The following SOBP variants were observed in gnomAD, a reference collection of about 807,000 sequenced individuals.
SOBP encodes the protein sine oculis-binding protein homolog.
Under a neutral mutation model 53.6 loss-of-function variants are expected in SOBP, and 4 were observed. The observed-to-expected ratio is 0.07, with a 90% confidence interval of 0.04 to 0.17. SOBP has a LOEUF of 0.17. SOBP is among the 10% of genes least tolerant of loss of function. The pLI, the probability that SOBP is intolerant of heterozygous loss-of-function variation, is 1.00. For synonymous variants in SOBP, 584 were observed against 522.6 expected, an observed-to-expected ratio of 1.12 and a Z score of -1.60; for missense variants, 1,088 against 1,204.7, an observed-to-expected ratio of 0.90 and a Z score of 1.43.
intron 6 of SOBP, among the ~76,000 whole-genome samples, chr6:107,636,734 C>CAGGAGGA (rs1771062541): frequency 1.3e-5 from 2 of 152,158 alleles, no homozygotes; most frequent in South Asian, 4.2e-4. Flanking sequence ...GTGCAAACTC[C>CAGGAGGA]AGGAGGAAGG....
intron 2 of SOBP, 28 bp downstream of exon 2, chr6:107,503,823 A>G (rs1426900472): frequency 3.1e-6 from 5 of 1,612,642 alleles, no homozygotes; most frequent in Admixed American, 1.7e-5. Context: ...CCTTTTGTTC[A>G]TGCAAAGAAG....
intron 1 of SOBP, among the ~76,000 whole-genome samples, chr6:107,497,329 G>A (rs934677702): frequency 1.3e-5 from 2 of 152,136 alleles, no homozygotes; most frequent in African/African-American, 4.8e-5. Context: ...GTGTCAGAAT[G>A]TTTTGAAGTT....
At position 107,635,548 on chromosome 6, in the gene SOBP, G is replaced by A; in HGVS notation, c.*3+79G>A. ...TTCTGACAAGGCAGAGGGGAGAGTT[G>A]TAATTATAGTCATGATTTTACCGTG... On this transcript the variant is annotated intron_variant, in intron 6 of 6. Coordinates refer to ENST00000317357, the MANE Select transcript of SOBP (RefSeq NM_018013.4). The surrounding 1 kb of genome is among the most constrained non-coding windows in gnomAD (Gnocchi z 4.5). The A allele has an allele frequency of 6.4e-7, 1 of 1,569,292 alleles. No homozygotes were observed. The highest frequency in any genetic ancestry group is 1.3e-5 in the African/African-American group (1 of 74,292).
intron 2 of SOBP, 104 bp downstream of exon 2, chr6:107,503,899 A>G: frequency 7.4e-7 from 1 of 1,359,822 alleles, no homozygotes; most frequent in Non-Finnish European, 1.0e-6. Context: ...TTTGTTGATT[A>G]TGCCAATGGT....
rs1430249830 is a variant in SOBP, at chr6:107,659,046, G to A, written c.*843G>A. On this transcript the variant is annotated 3_prime_UTR_variant, in exon 7 of 7. Transcript: ENST00000317357. Reference sequence around the variant, plus strand: ...CATTTGGGAACAGAGCAAGAGTGTTGAACTGAAGACCAAAATGCCCTCAAG... The same window carrying A: ...CATTTGGGAACAGAGCAAGAGTGTTAAACTGAAGACCAAAATGCCCTCAAG... 6.6e-6 allele frequency: 1 copy of A among 152,582 alleles called. No individual in the cohort carries two copies. Among genetic ancestry groups the A allele is most frequent in the African/African-American group, 2.4e-5 (1 of 41,434 alleles). The allele number at this position is 152,582 out of a possible 1,614,324, so 9.5% of individuals were successfully genotyped here. A position where few individuals can be genotyped will look rare whatever the true frequency, so the allele number is the denominator to read the frequency against.
At chr6:107,606,621 T>G (rs1786393287) in intron 5 of SOBP, among the ~76,000 whole-genome samples, 1 of 152,138 alleles carries the variant, frequency 6.6e-6, no homozygotes, top group Non-Finnish European at 1.5e-5. Flanking sequence ...TGCCTTTGTG[T>G]GCTTGGAATT....
At chr6:107,607,153 T>C (rs1786415762) in intron 5 of SOBP, among the ~76,000 whole-genome samples, 1 of 152,230 alleles carries the variant, frequency 6.6e-6, no homozygotes, top group African/African-American at 2.4e-5. Flanking sequence ...TTCCGCCTGT[T>C]GTCACACTAT....
chr6:107,575,592 A>G (rs1185738240), intron 4 of SOBP, among the ~76,000 whole-genome samples: 1 of 152,144 alleles, frequency 6.6e-6, no homozygotes. Flanking sequence ...GGGGCTGCTC[A>G]CTGTGCAAGG....
At chr6:107,655,097 CACAGATGAAGACATTTAGACATGGAGG>C (rs1166127368) in intron 6 of SOBP, among the ~76,000 whole-genome samples, 2 of 151,774 alleles carry the variant, frequency 1.3e-5, no homozygotes, top group Non-Finnish European at 2.9e-5. Flanking sequence ...TTCCCCTTTG[CACAGATGAAGACATTTAGACATGGAGG>C]ACAGTTTTTT....
At chr6:107,656,350 AAAGAAAGAAAGAAAGAAAGT>A (rs762195066) in intron 6 of SOBP, among the ~76,000 whole-genome samples, 15,596 of 64,168 alleles carry the variant, frequency 0.24, 1,148 homozygotes, top group Middle Eastern at 0.39. Flanking sequence ...AAAGAGAAAG[AAAGAAAGAAAGAAAGAAAGT>A]AAGTCAAATG....
intron 3 of SOBP, among the ~76,000 whole-genome samples, chr6:107,531,644 A>G (rs1783827493): frequency 6.6e-6 from 1 of 152,082 alleles, no homozygotes; most frequent in Non-Finnish European, 1.5e-5. Flanking sequence ...TTTGTTAAGG[A>G]TATTCCTGAA....
intron 3 of SOBP, among the ~76,000 whole-genome samples, chr6:107,521,907 AAAACAC>A (rs1291608427): frequency 7.0e-4 from 78 of 110,922 alleles, no homozygotes; most frequent in Admixed American, 1.1e-3. Context: ...GACAGACATT[AAAACAC>A]ACACACACAC....
chr6:107,545,672 A>G (rs1784280723), intron 4 of SOBP, among the ~76,000 whole-genome samples: 1 of 152,082 alleles, frequency 6.6e-6, no homozygotes, highest in African/African-American at 2.4e-5. Context: ...CAGATGCCAG[A>G]TGGGAGAGAT....
At chr6:107,510,371 T>G (rs971294754) in intron 3 of SOBP, among the ~76,000 whole-genome samples, 7 of 152,184 alleles carry the variant, frequency 4.6e-5, no homozygotes, top group African/African-American at 1.7e-4. Context: ...AGGTGCAGTA[T>G]GTATTTCAAG....
chr6:107,558,288 A>G (rs1258949119), intron 4 of SOBP: 1 of 151,058 alleles, frequency 6.6e-6, no homozygotes, highest in East Asian at 1.9e-4. Context: ...TCCCCCCCCG[A>G]GACAGAGTCT....
intron 5 of SOBP, among the ~76,000 whole-genome samples, chr6:107,608,862 T>C (rs574231595): frequency 1.3e-5 from 2 of 152,302 alleles, no homozygotes; most frequent in Non-Finnish European, 2.9e-5. Flanking sequence ...TCACATCCTG[T>C]TGGGGAGAGG....
At chr6:107,611,289 G>C (rs1214892801) in intron 5 of SOBP, among the ~76,000 whole-genome samples, 1 of 152,210 alleles carries the variant, frequency 6.6e-6, no homozygotes, top group African/African-American at 2.4e-5. Flanking sequence ...GAAAGAGGGG[G>C]CCCCGGTGGA....
Position 107,634,408 on chromosome 6 carries a change from A to G in SOBP, c.1564A>G (p.Thr522Ala), listed in dbSNP as rs1770883984. 1 of 1,602,260 alleles carries G rather than the reference A, an allele frequency of 6.2e-7. No individual in the cohort carries two copies. The highest frequency in any genetic ancestry group is 1.7e-5 in the Admixed American group (1 of 59,866). The change falls in exon 6 of 7, where the codon ACC (threonine) becomes GCC (alanine). Residue 522 changes from threonine to alanine, a missense_variant. By Grantham distance (58) the Thr-to-Ala change is moderately conservative (BLOSUM62 0). Coordinates refer to ENST00000317357, the MANE Select transcript of SOBP (RefSeq NM_018013.4). This position sits in a 1 kb window ranked among gnomAD's most constrained non-coding sequence, Gnocchi z 4.5. Reference sequence around the variant, plus strand: ...GCTTGCCCCGCTGGTGCCGCCCCCGACCCTGCTCGTGCCGTACCCCGTGAT... The same window carrying G: ...GCTTGCCCCGCTGGTGCCGCCCCCGGCCCTGCTCGTGCCGTACCCCGTGAT... ...PSLAPLVPPP[T>A]LLVPYPVIVP...
chr6:107,515,966 T>G (rs1783307383), intron 3 of SOBP, among the ~76,000 whole-genome samples: 1 of 152,056 alleles, frequency 6.6e-6, no homozygotes, highest in South Asian at 2.1e-4. Context: ...GTAAAACCAT[T>G]AACAGAATAA....
Sources: gnomAD v4.1 joint callset for allele counts (sites outside exome capture counted in the v4.1 genomes callset) on GRCh38, gnomAD v4.1.1 for gene constraint, Gnocchi (gnomAD v3.1) non-coding constraint, MANE v1.5 for transcripts, NCBI Gene and HGNC (gene_info 2026-07-23, HGNC 2026-07-21) for gene names.